Variants in MAPKBP1 observed in about 807,000 individuals in gnomAD.
MAPKBP1 encodes mitogen-activated protein kinase-binding protein 1.
In MAPKBP1, 71 loss-of-function variants were observed where a neutral mutation model predicts 170.5. The ratio of observed to expected loss-of-function variants is 0.42; its 90% CI spans 0.34 to 0.51. The LOEUF is 0.51. Among genes scored for constraint, MAPKBP1 ranks in the 20% least tolerant of loss-of-function variants. The pLI, the probability that MAPKBP1 is intolerant of heterozygous loss-of-function variation, is 0.06. For missense variants in MAPKBP1, 1,598 were observed against 1,933.0 expected, an observed-to-expected ratio of 0.83 and a Z score of 3.25; for synonymous variants, 719 against 757.9, an observed-to-expected ratio of 0.95 and a Z score of 0.84.
intron 2 of MAPKBP1, among the ~76,000 whole-genome samples, chr15:41,784,008 C>CA (rs1032731682): frequency 3.3e-5 from 5 of 151,664 alleles, no homozygotes; most frequent in East Asian, 1.9e-4. Context: ...AACTCCGTCT[C>CA]AAAAAAAAGA....
At position 41,823,081 on chromosome 15, in the gene MAPKBP1, A is replaced by T; in HGVS notation, c.3457A>T (p.Ser1153Cys). ...GGTGGAACCGTCCTCTGGCAACCCC[A>T]GCCCCCAGCAGGCAGCCTCTGTGCT... ...PEVEPSSGNP[S>C]PQQAASVLLP... The change falls in exon 28 of 31, where the codon AGC (serine) becomes TGC (cysteine). Residue 1153 changes from serine (S) to cysteine (C), a missense_variant. Physicochemically the swap from Ser to Cys is moderately radical, Grantham distance 112 (BLOSUM62 -1). Around this residue, in one of 6 missense-constraint regions of MAPKBP1, gnomAD observed 942 missense variants for 953.2 expected, o/e 0.99. Coordinates refer to ENST00000457542, the MANE Select transcript of MAPKBP1 (RefSeq NM_014994.3). 1 of 1,613,882 alleles carries T rather than the reference A, an allele frequency of 6.2e-7. No homozygotes were observed. Among genetic ancestry groups the T allele is most frequent in the Non-Finnish European group, 8.5e-7 (1 of 1,179,982 alleles).
chr15:41,786,777 A>AAAAAATATATATATAT lies in MAPKBP1; in HGVS notation c.114+11389_114+11390insAAAATATATATATATA. On this transcript the variant is annotated intron_variant, in intron 2 of 30. Transcript: ENST00000457542. The stretch of plus-strand genomic sequence containing the variant: ...CAGACTCCGTCTAAAAAAAAAAAAA[A>AAAAAATATATATATAT]ATATATATATATATATATATATATA... Among the ~76,000 whole-genome samples, 111 of 32,270 alleles carry AAAAAATATATATATAT rather than the reference A, an allele frequency of 3.4e-3. 1 individual carries two copies. The highest frequency in any genetic ancestry group is 5.4e-3 in the Admixed American group (14 of 2,570). The allele number at this position is 32,270 out of a possible 152,430, so 21.2% of individuals were successfully genotyped here.
chr15:41,825,603 A>C lies in MAPKBP1; in HGVS notation c.*167A>C. 3.6e-6 allele frequency: 2 copies of C among 560,422 alleles called. No individual in the cohort carries two copies. The highest frequency in any genetic ancestry group is 2.4e-5 in the South Asian group (1 of 41,036). 34.7% of individuals were successfully genotyped at this position (560,422 alleles called of 1,614,324 possible). On this transcript the variant is annotated 3_prime_UTR_variant, in exon 31 of 31. Transcript: ENST00000457542. ...TCCTCGTGGGGGGCCTGTATTTATT[A>C]ATTTATTTCCCTGACTGTTGCCTCA...
chr15:41,823,698 C>T lies in MAPKBP1; in HGVS notation c.3850C>T (p.Leu1284=), dbSNP rs1245277675. The stretch of plus-strand genomic sequence containing the variant: ...AGTCTCACCACTCAGCAAGCTGGCC[C>T]TGCCCAGCCGGGCTCACCTGGTCCT... The part of the protein sequence containing the change: ...IRVSPLSKLA[L]PSRAHLVLDI... Residue 1284 remains leucine, a synonymous_variant, in exon 29 of 31, where the codon CTG becomes TTG. Transcript: ENST00000457542. 1 of 1,614,204 alleles carries T rather than the reference C, an allele frequency of 6.2e-7. No individual in the cohort carries two copies. Among genetic ancestry groups the T allele is most frequent in the Non-Finnish European group, 8.5e-7 (1 of 1,180,022 alleles).
In MAPKBP1 at chr15:41,825,232, A is replaced by G. The variant is rs2065069875; in HGVS notation, c.4323A>G (p.Ser1441=). 3 of 1,596,374 alleles carry G rather than the reference A, an allele frequency of 1.9e-6. No individual in the cohort carries two copies. The East Asian group carries it at 6.8e-5, about 36-fold the overall frequency. ...AGGTGGCTGGCTGCAAGATGCCCTC[A>G]GCAGAGCAAAGTCGGATTGCCCAGC... The part of the protein sequence containing the change: ...YHSVAGCKMP[S]AEQSRIAQLL... The change falls in exon 31 of 31, where the codon TCA becomes TCG. Residue 1441 remains serine (S), a synonymous_variant. Transcript: ENST00000457542.
chr15:41,819,745 A>G, intron 22 of MAPKBP1, 95 bp downstream of exon 22: 2 of 1,298,426 alleles, frequency 1.5e-6, no homozygotes, highest in South Asian at 1.3e-5. Context: ...GTACTGGGGC[A>G]TGGGGTCTGC....
Position 41,812,971 on chromosome 15 carries a change from G to C in MAPKBP1, c.689G>C (p.Arg230Pro), listed in dbSNP as rs544133299. 1.2e-6 allele frequency: 2 copies of C among 1,613,332 alleles called. No individual in the cohort carries two copies. Among genetic ancestry groups the C allele is most frequent in the African/African-American group, 2.7e-5 (2 of 74,900 alleles). Reference sequence around the variant, plus strand: ...CGCTCAGGGCTGCTGGGAGAGCTACGGAACAACCTATTCACTGATGTGGCC... The same window carrying C: ...CGCTCAGGGCTGCTGGGAGAGCTACCGAACAACCTATTCACTGATGTGGCC... ...LGRSGLLGELRNNLFTDVACG... is the reference protein window; with the variant it reads ...LGRSGLLGELPNNLFTDVACG... The change falls in exon 8 of 31, where the codon CGG becomes CCG. Residue 230 changes from arginine to proline, a missense_variant. Physicochemically the swap from Arg to Pro is moderately radical, Grantham distance 103. This residue lies in a region of MAPKBP1 where 430 missense variants were observed against 617.2 expected (regional missense o/e 0.70). Coordinates refer to ENST00000457542, the MANE Select transcript of MAPKBP1 (RefSeq NM_014994.3).
chr15:41,819,426 A>T, intron 21 of MAPKBP1, 47 bp downstream of exon 21: 2 of 1,607,224 alleles, frequency 1.2e-6, no homozygotes, highest in Non-Finnish European at 1.7e-6. Flanking sequence ...AGTTGGTATA[A>T]TGGCTAGATA....
At chr15:41,789,739 A>C (rs2064362535) in intron 2 of MAPKBP1, among the ~76,000 whole-genome samples, 1 of 152,122 alleles carries the variant, frequency 6.6e-6, no homozygotes, top group Non-Finnish European at 1.5e-5. Flanking sequence ...CATTTTTTAG[A>C]CCCACTTTAG....
At chr15:41,776,224 C>T (rs1481113696) in intron 2 of MAPKBP1, among the ~76,000 whole-genome samples, 1 of 152,202 alleles carries the variant, frequency 6.6e-6, no homozygotes, top group Non-Finnish European at 1.5e-5. Context: ...TATTAGTAGC[C>T]TGTAAACCCA....
chr15:41,819,547 C>CAGGA (rs765528665), intron 21 of MAPKBP1, 48 bp from the exon 22 acceptor site: 1 of 1,228,204 alleles, frequency 8.1e-7, no homozygotes, highest in Non-Finnish European at 1.1e-6. Flanking sequence ...GGTTGGGTGG[C>CAGGA]GGGGGGGGGG....
rs867163788 is a variant in MAPKBP1 at position 41,819,547 on chromosome 15, C to G, written c.2426-48C>G. On this transcript the variant is annotated intron_variant, in intron 21 of 30. Coordinates refer to ENST00000457542, the MANE Select transcript of MAPKBP1 (RefSeq NM_014994.3). Reference sequence around the variant, plus strand: ...GGGCCAGGGCTCCAGGGTTGGGTGGCGGGGGGGGGGCAGGAGACACTTCCT... The same window carrying G: ...GGGCCAGGGCTCCAGGGTTGGGTGGGGGGGGGGGGGCAGGAGACACTTCCT... 9.8e-4 allele frequency: 1,215 copies of G among 1,234,128 alleles called. 1 individual carries two copies. Among genetic ancestry groups the G allele is most frequent in the South Asian group, 3.6e-3 (258 of 71,526 alleles). 76.4% of individuals were successfully genotyped at this position (1,234,128 alleles called of 1,614,324 possible).
At position 41,822,049 on chromosome 15, in the gene MAPKBP1, C is replaced by G; in HGVS notation, c.2970C>G (p.Asp990Glu). The G allele has an allele frequency of 6.2e-7, 1 of 1,609,364 alleles. No individual in the cohort carries two copies. The highest frequency in any genetic ancestry group is 8.5e-7 in the Non-Finnish European group (1 of 1,177,872). ...GGAGCTCAGAAAAGCACAGCCCTGA[C>G]AGTGCCTGCTCTGTGGATTACAGCA... is the stretch of plus-strand genomic sequence containing the variant. Reference protein sequence around the residue: ...GSRSSEKHSPDSACSVDYSSS... With the variant: ...GSRSSEKHSPESACSVDYSSS... The change falls in exon 25 of 31, where the codon GAC becomes GAG. Residue 990 changes from aspartate (D) to glutamate (E), a missense_variant. By Grantham distance (45) the Asp-to-Glu change is conservative. This residue lies in a region of MAPKBP1 where 942 missense variants were observed against 953.2 expected (regional missense o/e 0.99). Transcript: ENST00000457542.
Position 41,822,328 on chromosome 15 carries a change from C to T in MAPKBP1, c.3135C>T (p.Gly1045=). 2 of 1,614,034 alleles carry T rather than the reference C, an allele frequency of 1.2e-6. No individual in the cohort carries two copies. Among genetic ancestry groups the T allele is most frequent in the East Asian group, 2.2e-5 (1 of 44,878 alleles). The change falls in exon 26 of 31, where the codon GGC becomes GGT. Residue 1045 remains glycine (G), a synonymous_variant. Coordinates refer to ENST00000457542, the MANE Select transcript of MAPKBP1 (RefSeq NM_014994.3). ...AGGAAGAAGAGGAGGGAGGCATGGG[C>T]CCCTATGGGCTACAGGAGGGCAGCC... ...EEEEEEEGGM[G]PYGLQEGSPQ...
At chr15:41,811,389 T>G (rs1180886569) in intron 5 of MAPKBP1, 154 bp downstream of exon 5, 6 of 781,532 alleles carry the variant, frequency 7.7e-6, no homozygotes, top group Non-Finnish European at 1.3e-5. Flanking sequence ...TTCTCAAGCT[T>G]TAGTGTACAT....
chr15:41,802,195 C>T (rs570796496), intron 3 of MAPKBP1, among the ~76,000 whole-genome samples: 1 of 152,254 alleles, frequency 6.6e-6, no homozygotes, highest in Non-Finnish European at 1.5e-5. Context: ...CTGTATAAGG[C>T]ACTTACCATG....
intron 3 of MAPKBP1, among the ~76,000 whole-genome samples, chr15:41,806,177 A>AT (rs1329969228): frequency 6.6e-6 from 1 of 152,222 alleles, no homozygotes; most frequent in Non-Finnish European, 1.5e-5. Context: ...GTGAAGATGG[A>AT]TCCCCACCCC....
chr15:41,819,557 G>GGGGGGGGCCCCCCCCCCC, intron 21 of MAPKBP1, 38 bp from the exon 22 acceptor site: 1 of 1,384,680 alleles, frequency 7.2e-7, no homozygotes, highest in Non-Finnish European at 1.0e-6. Flanking sequence ...CGGGGGGGGG[G>GGGGGGGGCCCCCCCCCCC]CAGGAGACAC....
intron 2 of MAPKBP1, among the ~76,000 whole-genome samples, chr15:41,788,191 C>T (rs189633833): frequency 2.0e-5 from 3 of 152,114 alleles, no homozygotes; most frequent in Admixed American, 6.5e-5. Context: ...CTTTTGACCT[C>T]GTGATGCACC....
Sources: gnomAD v4.1 joint callset for allele counts (sites outside exome capture counted in the v4.1 genomes callset) on GRCh38, gnomAD v4.1.1 for gene constraint, gnomAD v4.1.1 regional missense constraint, MANE v1.5 for transcripts, NCBI Gene and HGNC (gene_info 2026-07-23, HGNC 2026-07-21) for gene names.